The following SH3RF2 variants were observed in gnomAD, a reference collection of about 807,000 sequenced individuals.
SH3RF2 encodes the protein E3 ubiquitin-protein ligase SH3RF2.
A neutral mutation model predicts 59.0 loss-of-function variants in SH3RF2; 43 were observed. The observed-to-expected ratio is 0.73, with a 90% confidence interval of 0.57 to 0.94. The LOEUF is 0.94. Ranked by LOEUF, SH3RF2 falls within the 40% of genes least tolerant of loss-of-function variation. SH3RF2 has a pLI of 0.00. For missense variants in SH3RF2, 930 were observed against 940.1 expected, an observed-to-expected ratio of 0.99 and a Z score of 0.14; for synonymous variants, 391 against 391.5, an observed-to-expected ratio of 1.00 and a Z score of 0.01.
chr5:146,061,961 C>A (rs1293161985), intron 9 of SH3RF2, among the ~76,000 whole-genome samples: 1 of 152,124 alleles, frequency 6.6e-6, no homozygotes, highest in Non-Finnish European at 1.5e-5. Context: ...GCAAACTGTG[C>A]TCTAAGGATT....
chr5:145,940,270 C>T (rs578248191), intron 2 of SH3RF2, among the ~76,000 whole-genome samples: 2 of 152,190 alleles, frequency 1.3e-5, no homozygotes, highest in Non-Finnish European at 2.9e-5. Flanking sequence ...AGCTGGCACC[C>T]CCACTTCCCA....
At chr5:146,029,252 A>T (rs1279668447) in intron 5 of SH3RF2, among the ~76,000 whole-genome samples, 1 of 152,204 alleles carries the variant, frequency 6.6e-6, no homozygotes, top group African/African-American at 2.4e-5. Context: ...AGTGCATTTC[A>T]GAGTTTTTGT....
At chr5:145,993,361 C>T (rs992137741) in intron 2 of SH3RF2, among the ~76,000 whole-genome samples, 2 of 152,216 alleles carry the variant, frequency 1.3e-5, no homozygotes, top group Non-Finnish European at 2.9e-5. Context: ...CGTCTTCTCA[C>T]AGCTCCACTA....
chr5:146,044,149 G>GT (rs796365278), intron 5 of SH3RF2, among the ~76,000 whole-genome samples: 2,429 of 61,086 alleles, frequency 0.04, 32 homozygotes, highest in South Asian at 0.11. Flanking sequence ...GTTTTTTTTT[G>GT]TTTTTTTTTT....
chr5:146,000,119 A>C lies in SH3RF2; in HGVS notation c.440A>C (p.Asn147Thr). 1 of 1,613,836 alleles carries C rather than the reference A, an allele frequency of 6.2e-7. No individual in the cohort carries two copies. The highest frequency in any genetic ancestry group is 8.5e-7 in the Non-Finnish European group (1 of 1,179,872). Residue 147 changes from asparagine to threonine, a missense_variant, in exon 3 of 10, where the codon AAT becomes ACT. Asn to Thr is a moderately conservative substitution (Grantham distance 65, BLOSUM62 0). Coordinates refer to ENST00000359120, the MANE Select transcript of SH3RF2 (RefSeq NM_152550.4). ...CAGAATCCCGGTGACCTAAGGTTTA[A>C]TAAGGGAGATATCATCCTTCTCCGG... ...RGQNPGDLRF[N>T]KGDIILLRRQ...
chr5:146,019,585 C>T (rs956994245), intron 5 of SH3RF2, among the ~76,000 whole-genome samples: 1 of 151,924 alleles, frequency 6.6e-6, no homozygotes, highest in African/African-American at 2.4e-5. Flanking sequence ...ATTGCTTTGA[C>T]TATTTGGGCT....
intron 8 of SH3RF2, among the ~76,000 whole-genome samples, chr5:146,058,786 T>C (rs1762772595): frequency 6.6e-6 from 1 of 151,392 alleles, no homozygotes; most frequent in Non-Finnish European, 1.5e-5. Context: ...CTACAGGATA[T>C]ATGTCCAATG....
chr5:146,028,629 C>A (rs977671940), intron 5 of SH3RF2, among the ~76,000 whole-genome samples: 11 of 152,218 alleles, frequency 7.2e-5, no homozygotes, highest in African/African-American at 2.7e-4. Context: ...GTGGCAACAA[C>A]AGACATTACC....
intron 5 of SH3RF2, among the ~76,000 whole-genome samples, chr5:146,042,308 C>T (rs1454856625): frequency 6.6e-6 from 1 of 152,122 alleles, no homozygotes; most frequent in African/African-American, 2.4e-5. Flanking sequence ...AGGCACCCCA[C>T]CCACTCTGTC....
intron 5 of SH3RF2, among the ~76,000 whole-genome samples, chr5:146,041,704 C>T (rs1393895559): frequency 1.3e-5 from 2 of 152,076 alleles, no homozygotes; most frequent in Non-Finnish European, 2.9e-5. Context: ...AGGCCGAGGA[C>T]GTATCACCTG....
At chr5:146,033,303 G>C (rs11746712) in intron 5 of SH3RF2, among the ~76,000 whole-genome samples, 43,101 of 151,920 alleles carry the variant, frequency 0.28, 7,742 homozygotes, top group Non-Finnish European at 0.39. Flanking sequence ...AGGGCAAGGA[G>C]TATGCTTTCT....
Position 146,013,957 on chromosome 5 carries a change from C to T in SH3RF2, c.955C>T (p.His319Tyr). The change falls in exon 5 of 10, where the codon CAT becomes TAT. Residue 319 changes from histidine to tyrosine, a missense_variant. Transcript: ENST00000359120. ...NRMVHSPSGR[H>Y]MVEISTPVLI... ...GATGGTCCATTCTCCTTCAGGGCGC[C>T]ATATGGTAGAGATCAGCACCCCAGT... The T allele has an allele frequency of 6.2e-7, 1 of 1,614,080 alleles. No homozygotes were observed. Among genetic ancestry groups the T allele is most frequent in the South Asian group, 1.1e-5 (1 of 91,080 alleles).
At position 145,938,108 on chromosome 5, in the gene SH3RF2, T is replaced by C. The variant is rs772556105; in HGVS notation, c.180T>C (p.Ile60=). ...GCAGGACGCCTGTGTTTTCCAACAT[T>C]GAGGCGCTGCCGGCCAACCTGCTGC... is the stretch of plus-strand genomic sequence containing the variant. ...PECRTPVFSN[I]EALPANLLLV... Residue 60 remains isoleucine, a synonymous_variant, in exon 2 of 10, where the codon ATT becomes ATC. Transcript: ENST00000359120. 27 of 1,614,066 alleles carry C rather than the reference T, an allele frequency of 1.7e-5. No homozygotes were observed. Among genetic ancestry groups the C allele is most frequent in the Non-Finnish European group, 1.9e-5 (22 of 1,180,050 alleles).
chr5:146,068,393 G>A (rs944902511), intron 9 of SH3RF2, among the ~76,000 whole-genome samples: 3 of 152,162 alleles, frequency 2.0e-5, no homozygotes, highest in Non-Finnish European at 2.9e-5. Flanking sequence ...GAGCTGGCAC[G>A]GGGCAGTGCC....
At chr5:146,010,289 T>C (rs1760826102) in intron 4 of SH3RF2, among the ~76,000 whole-genome samples, 1 of 152,256 alleles carries the variant, frequency 6.6e-6, no homozygotes. Context: ...TGATGGACAT[T>C]TGGATTGGTT....
chr5:145,984,755 TC>T (rs1198865316), intron 2 of SH3RF2, among the ~76,000 whole-genome samples: 26 of 152,330 alleles, frequency 1.7e-4, no homozygotes, highest in African/African-American at 6.3e-4. Flanking sequence ...GCAGGGCACT[TC>T]TTCTCCAAGG....
intron 3 of SH3RF2, among the ~76,000 whole-genome samples, 158 bp from the exon 4 acceptor site, chr5:146,003,900 G>A (rs1375644391): frequency 6.6e-6 from 1 of 152,122 alleles, no homozygotes. Flanking sequence ...GCCCTTTATG[G>A]AGAAAGTTCA....
At chr5:146,055,534 A>C (rs1762634809) in intron 7 of SH3RF2, among the ~76,000 whole-genome samples, 1 of 152,266 alleles carries the variant, frequency 6.6e-6, no homozygotes, top group South Asian at 2.1e-4. Context: ...GAACACAGAT[A>C]TATAAGTCAT....
chr5:146,023,475 C>T (rs1174630587), intron 5 of SH3RF2, among the ~76,000 whole-genome samples: 1 of 152,118 alleles, frequency 6.6e-6, no homozygotes, highest in African/African-American at 2.4e-5. Flanking sequence ...TCCCAAAGTA[C>T]TGGGATTACA....
Sources: gnomAD v4.1 joint callset for allele counts (sites outside exome capture counted in the v4.1 genomes callset) on GRCh38, gnomAD v4.1.1 for gene constraint, MANE v1.5 for transcripts, NCBI Gene and HGNC (gene_info 2026-07-23, HGNC 2026-07-21) for gene names.